FLT3: variants seen among roughly 807,000 people sequenced by gnomAD.
FLT3 encodes the protein receptor-type tyrosine-protein kinase FLT3.
Under a neutral mutation model 126.6 loss-of-function variants are expected in FLT3, and 46 were observed. The observed-to-expected ratio is 0.36, with a 90% CI of 0.29 to 0.46. The LOEUF (loss-of-function observed/expected upper bound fraction) is 0.46, where lower values mean the gene tolerates loss of function less well. FLT3 is among the 20% of genes least tolerant of loss of function. The pLI, the probability that FLT3 is intolerant of heterozygous loss-of-function variation, is 1.00. For missense variants in FLT3, 1,069 were observed against 1,190.3 expected, an observed-to-expected ratio of 0.90 and a Z score of 1.50; for synonymous variants, 404 against 434.4, an observed-to-expected ratio of 0.93 and a Z score of 0.87.
intron 3 of FLT3, among the ~76,000 whole-genome samples, chr13:28,058,908 G>C: frequency 6.6e-6 from 1 of 152,200 alleles, no homozygotes; most frequent in Non-Finnish European, 1.5e-5. Flanking sequence ...TTTGGGAGGC[G>C]AGGTAGGAGG....
chr13:28,055,027 T>A (rs1185065563), intron 4 of FLT3, among the ~76,000 whole-genome samples: 2 of 152,244 alleles, frequency 1.3e-5, no homozygotes, highest in Non-Finnish European at 2.9e-5. Flanking sequence ...CTTTGTTGAT[T>A]GTGAACTGCA....
chr13:28,084,248 C>G (rs1434685770), intron 1 of FLT3, among the ~76,000 whole-genome samples: 4 of 152,024 alleles, frequency 2.6e-5, no homozygotes, highest in Admixed American at 2.0e-4. Flanking sequence ...CCACCTCAGC[C>G]TCCAAAAATG....
chr13:28,063,204 C>T (rs953486054), intron 2 of FLT3, among the ~76,000 whole-genome samples: 34 of 152,252 alleles, frequency 2.2e-4, no homozygotes, highest in Middle Eastern at 6.8e-3. Context: ...TGAGGCCAGG[C>T]GCTATGGCTC....
intron 1 of FLT3, among the ~76,000 whole-genome samples, chr13:28,074,238 T>A (rs1197136134): frequency 6.6e-6 from 1 of 152,210 alleles, no homozygotes; most frequent in Non-Finnish European, 1.5e-5. Flanking sequence ...GTAGTAGATA[T>A]CAGTAGTTCA....
intron 9 of FLT3, among the ~76,000 whole-genome samples, chr13:28,040,210 G>A (rs1201238993): frequency 6.6e-6 from 1 of 152,140 alleles, no homozygotes; most frequent in Non-Finnish European, 1.5e-5. Context: ...AAGGTAGAGG[G>A]GTAATAAGCA....
chr13:28,029,886 C>G (rs1392560832), intron 15 of FLT3, among the ~76,000 whole-genome samples: 1 of 152,214 alleles, frequency 6.6e-6, no homozygotes, highest in African/African-American at 2.4e-5. Flanking sequence ...GACTTAGAAG[C>G]ACAGTGTGAG....
intron 1 of FLT3, among the ~76,000 whole-genome samples, chr13:28,078,225 T>C (rs1878093520): frequency 6.6e-6 from 1 of 152,186 alleles, no homozygotes; most frequent in African/African-American, 2.4e-5. Context: ...GACCCCACAT[T>C]TCCCTTCCAC....
chr13:28,079,395 C>T (rs1878175434), intron 1 of FLT3, among the ~76,000 whole-genome samples: 1 of 152,164 alleles, frequency 6.6e-6, no homozygotes, highest in Non-Finnish European at 1.5e-5. Flanking sequence ...CCCACATTTT[C>T]CTGACTTCTT....
At chr13:28,021,470 C>T (rs1298573503) in intron 19 of FLT3, among the ~76,000 whole-genome samples, 1 of 152,158 alleles carries the variant, frequency 6.6e-6, no homozygotes, top group Middle Eastern at 3.4e-3. Context: ...GGGCAAGATG[C>T]GCGAGCAAGA....
At chr13:28,031,117 G>C (rs558641192) in intron 15 of FLT3, among the ~76,000 whole-genome samples, 3 of 151,602 alleles carry the variant, frequency 2.0e-5, no homozygotes, top group African/African-American at 4.8e-5. Context: ...AGTCCCAGCT[G>C]CTAGGGAGGC....
At chr13:28,026,964 C>G (rs1566065690) in intron 17 of FLT3, 124 bp downstream of exon 17, 1 of 767,004 alleles carries the variant, frequency 1.3e-6, no homozygotes, top group African/African-American at 1.7e-5. Context: ...CAGGAAATCT[C>G]TAGGTTGCAG....
At chr13:28,042,775 G>A (rs906866441) in intron 9 of FLT3, among the ~76,000 whole-genome samples, 13 of 151,900 alleles carry the variant, frequency 8.6e-5, no homozygotes, top group South Asian at 2.1e-4. Flanking sequence ...GAATGGGAAC[G>A]GCATTTAGGT....
chr13:28,033,266 A>G (rs1465690192), intron 15 of FLT3, among the ~76,000 whole-genome samples: 1 of 151,594 alleles, frequency 6.6e-6, no homozygotes, highest in Non-Finnish European at 1.5e-5. Context: ...ACAGCACTCT[A>G]GCCTGGGTAA....
At position 28,049,620 on chromosome 13, in the gene FLT3, A is replaced by C. The variant is rs1334781364; in HGVS notation, c.882+15T>G. The C allele has an allele frequency of 6.2e-7, 1 of 1,614,028 alleles. No individual in the cohort carries two copies. The highest frequency in any genetic ancestry group is 1.3e-5 in the African/African-American group (1 of 75,066). On this transcript the variant is annotated intron_variant, in intron 7 of 23. Transcript: ENST00000241453. ...ATTGTTCCTGCATTTTCAGAATACA[A>C]ACTTGTCCTATTACCTCCTCGAGTG... is the stretch of plus-strand genomic sequence containing the variant.
At chr13:28,076,805 T>C (rs891468442) in intron 1 of FLT3, among the ~76,000 whole-genome samples, 5 of 152,094 alleles carry the variant, frequency 3.3e-5, no homozygotes, top group Admixed American at 2.0e-4. Context: ...CATGTATCTG[T>C]AGTCCCAGCT....
intron 9 of FLT3, among the ~76,000 whole-genome samples, chr13:28,042,146 AAATAATAAT>A (rs57260336): frequency 0.048 from 6,532 of 134,708 alleles, 427 homozygotes; most frequent in African/African-American, 0.15. Flanking sequence ...CCTCCATCCG[AAATAATAAT>A]AATAATAATA....
intron 1 of FLT3, among the ~76,000 whole-genome samples, chr13:28,074,632 CTTAT>C (rs923928982): frequency 1.2e-4 from 18 of 151,754 alleles, no homozygotes; most frequent in Admixed American, 4.6e-4. Context: ...TCATTGTGTT[CTTAT>C]TTATTTTTAT....
At chr13:28,039,057 T>A (rs1874103404) in intron 9 of FLT3, among the ~76,000 whole-genome samples, 1 of 151,974 alleles carries the variant, frequency 6.6e-6, no homozygotes, top group Non-Finnish European at 1.5e-5. Flanking sequence ...ATGAGTTGGT[T>A]TTGATGAGAG....
intron 9 of FLT3, 136 bp from the exon 10 acceptor site, chr13:28,037,424 A>G (rs528787079): frequency 1.6e-6 from 1 of 635,424 alleles, no homozygotes; most frequent in Non-Finnish European, 2.8e-6. Flanking sequence ...GGAAATGTCC[A>G]TATTGTAGAC....
Sources: gnomAD v4.1 joint callset for allele counts (sites outside exome capture counted in the v4.1 genomes callset) on GRCh38, gnomAD v4.1.1 for gene constraint, MANE v1.5 for transcripts, NCBI Gene and HGNC (gene_info 2026-07-23, HGNC 2026-07-21) for gene names.